Variants in KCNMA1 observed in about 807,000 individuals in gnomAD.
KCNMA1 encodes Calcium-activated potassium channel subunit alpha-1.
A neutral mutation model predicts 140.0 loss-of-function variants in KCNMA1; 29 were observed. The observed-to-expected ratio is 0.21, with a 90% CI of 0.15 to 0.28. The LOEUF (loss-of-function observed/expected upper bound fraction) is 0.28. KCNMA1 is among the 10% of genes least tolerant of loss of function. The pLI, the probability that KCNMA1 is intolerant of heterozygous loss-of-function variation, is 1.00. For synonymous variants in KCNMA1, 612 were observed against 611.9 expected, an observed-to-expected ratio of 1.00 and a Z score of 0.00; for missense variants, 880 against 1,602.2, an observed-to-expected ratio of 0.55 and a Z score of 7.70.
At chr10:76,977,888 G>A (rs1388389614) in intron 19 of KCNMA1, 9 of 468,540 alleles carry the variant, frequency 1.9e-5, no homozygotes, top group Non-Finnish European at 2.7e-5. Context: ...CATCTACCGT[G>A]AGCAATTCCT....
At chr10:77,529,223 T>C (rs1242378603) in intron 1 of KCNMA1, among the ~76,000 whole-genome samples, 1 of 139,202 alleles carries the variant, frequency 7.2e-6, no homozygotes, top group Admixed American at 7.3e-5. Flanking sequence ...ACTGTGTTCC[T>C]GCCCTCCCCT....
intron 2 of KCNMA1, among the ~76,000 whole-genome samples, chr10:77,379,495 A>C (rs916820907): frequency 1.3e-5 from 2 of 151,606 alleles, no homozygotes; most frequent in African/African-American, 4.9e-5. Context: ...AGAAAACAAG[A>C]GTAACAGAAG....
At chr10:77,117,561 AAAAAG>A (rs1554837395) in intron 6 of KCNMA1, among the ~76,000 whole-genome samples, 27 of 147,608 alleles carry the variant, frequency 1.8e-4, no homozygotes, top group African/African-American at 4.7e-4. Flanking sequence ...AAAAAAAAAA[AAAAAG>A]AAAAGAAAAG....
intron 1 of KCNMA1, among the ~76,000 whole-genome samples, chr10:77,486,795 C>T (rs1338703665): frequency 6.6e-6 from 1 of 152,210 alleles, no homozygotes; most frequent in Non-Finnish European, 1.5e-5. Context: ...TAAGAAGCAG[C>T]TTCCTCTGTC....
At chr10:77,342,011 A>G (rs11002130) in intron 2 of KCNMA1, among the ~76,000 whole-genome samples, 11,286 of 152,204 alleles carry the variant, frequency 0.074, 882 homozygotes, top group African/African-American at 0.2. Context: ...CAAGTCACCA[A>G]TAATAACCCA....
chr10:77,044,370 A>G (rs995999099), intron 14 of KCNMA1, among the ~76,000 whole-genome samples: 1 of 152,192 alleles, frequency 6.6e-6, no homozygotes, highest in Non-Finnish European at 1.5e-5. Context: ...TGTAAAATAC[A>G]TTGAATTTAA....
chr10:77,432,203 C>A (rs1173146628), intron 1 of KCNMA1, among the ~76,000 whole-genome samples: 1 of 152,206 alleles, frequency 6.6e-6, no homozygotes, highest in African/African-American at 2.4e-5. Flanking sequence ...AGGGACTTTG[C>A]CTCCTTGAGG....
At chr10:77,344,815 T>G (rs1261888991) in intron 2 of KCNMA1, among the ~76,000 whole-genome samples, 2 of 152,152 alleles carry the variant, frequency 1.3e-5, no homozygotes, top group Non-Finnish European at 2.9e-5. Flanking sequence ...ACTCTTCTAT[T>G]GTAATATAAG....
chr10:76,897,011 TACACAC>T (rs3067677), intron 25 of KCNMA1, among the ~76,000 whole-genome samples: 5,344 of 142,778 alleles, frequency 0.037, 269 homozygotes, highest in African/African-American at 0.12. Context: ...AGGTGAAAAT[TACACAC>T]ACACACACAC....
At chr10:77,506,036 G>C (rs2045678303) in intron 1 of KCNMA1, among the ~76,000 whole-genome samples, 1 of 152,172 alleles carries the variant, frequency 6.6e-6, no homozygotes, top group Non-Finnish European at 1.5e-5. Flanking sequence ...AAACCATGCT[G>C]CTTGGGAAAG....
chr10:77,103,623 T>C (rs1046800314), intron 9 of KCNMA1, among the ~76,000 whole-genome samples: 3 of 152,082 alleles, frequency 2.0e-5, no homozygotes, highest in African/African-American at 7.2e-5. Context: ...GGGAAGAAAA[T>C]GTTGAAATCC....
chr10:77,506,596 A>AGAGAGAGTGTGTGTGTGTGTGTGT lies in KCNMA1; in HGVS notation c.379-102574_379-102573insACACACACACACACACACTCTCTC. Among the ~76,000 whole-genome samples, 21 of 83,570 alleles carry AGAGAGAGTGTGTGTGTGTGTGTGT rather than the reference A, an allele frequency of 2.5e-4. 1 individual carries two copies. The highest frequency in any genetic ancestry group is 1.3e-3 in the African/African-American group (17 of 13,412). 54.8% of individuals were successfully genotyped at this position (83,570 alleles called of 152,430 possible). A position where few individuals can be genotyped will look rare whatever the true frequency, so the allele number is the denominator to read the frequency against. ...TAGAGAGAGAGAGAGAGAGAGAGAG[A>AGAGAGAGTGTGTGTGTGTGTGTGT]GTGTGTGTGTGTGTGTGTGTGTGTT... is the stretch of plus-strand genomic sequence containing the variant. On this transcript the variant is annotated intron_variant, in intron 1 of 27. Coordinates refer to ENST00000286628, the MANE Select transcript of KCNMA1 (RefSeq NM_001161352.2).
intron 1 of KCNMA1, among the ~76,000 whole-genome samples, chr10:77,446,407 C>T (rs960416513): frequency 1.3e-5 from 2 of 152,202 alleles, no homozygotes; most frequent in African/African-American, 4.8e-5. Context: ...CTAGAGTGGC[C>T]TCTCCAAGCT....
chr10:77,142,906 G>A (rs1420936136), intron 5 of KCNMA1, among the ~76,000 whole-genome samples: 3 of 152,164 alleles, frequency 2.0e-5, no homozygotes, highest in South Asian at 2.1e-4. Context: ...CTACATATCT[G>A]TTAAATAAAT....
At chr10:77,039,801 T>C (rs906628136) in intron 14 of KCNMA1, among the ~76,000 whole-genome samples, 164 bp from the exon 15 acceptor site, 7 of 151,642 alleles carry the variant, frequency 4.6e-5, no homozygotes, top group African/African-American at 1.7e-4. Flanking sequence ...AAGCCTTCAA[T>C]AACCCTAAAC....
At chr10:77,013,779 G>A (rs1469309466) in intron 17 of KCNMA1, among the ~76,000 whole-genome samples, 1 of 152,172 alleles carries the variant, frequency 6.6e-6, no homozygotes, top group African/African-American at 2.4e-5. Flanking sequence ...GGAAACTGAA[G>A]CACAGAGAAG....
intron 1 of KCNMA1, among the ~76,000 whole-genome samples, chr10:77,627,255 A>C (rs2092647472): frequency 6.6e-6 from 1 of 152,188 alleles, no homozygotes; most frequent in Admixed American, 6.5e-5. Flanking sequence ...GTTTCCTAAC[A>C]AAGGCTCTGT....
chr10:77,459,417 C>A (rs2097817390), intron 1 of KCNMA1, among the ~76,000 whole-genome samples: 1 of 152,202 alleles, frequency 6.6e-6, no homozygotes, highest in South Asian at 2.1e-4. Context: ...GGGACACAGA[C>A]CACAGCATGC....
chr10:76,998,041 T>C (rs753382573), intron 19 of KCNMA1, among the ~76,000 whole-genome samples: 1 of 152,236 alleles, frequency 6.6e-6, no homozygotes, highest in Non-Finnish European at 1.5e-5. Context: ...TCTGAAGTTC[T>C]TTTGGTCAAC....
Sources: gnomAD v4.1 joint callset for allele counts (sites outside exome capture counted in the v4.1 genomes callset) on GRCh38, gnomAD v4.1.1 for gene constraint, MANE v1.5 for transcripts, NCBI Gene and HGNC (gene_info 2026-07-23, HGNC 2026-07-21) for gene names.